RCOR3: variants seen among roughly 807,000 people sequenced by gnomAD.
RCOR3 encodes the protein REST corepressor 3.
In RCOR3, 13 loss-of-function variants were observed where a neutral mutation model predicts 64.1. That is an observed-to-expected ratio of 0.20 (90% CI 0.13 to 0.32). RCOR3 has a LOEUF of 0.32. RCOR3 is among the 10% of genes least tolerant of loss of function. The pLI is 1.00. For missense variants in RCOR3, 489 were observed against 701.2 expected (o/e 0.70, Z 3.42); for synonymous variants, 215 against 239.0 (o/e 0.90, Z 0.93).
intron 10 of RCOR3, among the ~76,000 whole-genome samples, chr1:211,304,693 C>T (rs1303656052): frequency 6.6e-6 from 1 of 152,126 alleles, no homozygotes; most frequent in East Asian, 1.9e-4. Context: ...ATCAAAAAAT[C>T]ACATTCAGCA....
In RCOR3 at chr1:211,312,423, A is replaced by G; in HGVS notation, c.1076-297A>G. 1.9e-6 allele frequency: 1 copy of G among 526,282 alleles called. No homozygotes were observed. The highest frequency in any genetic ancestry group is 1.5e-5 in the South Asian group (1 of 65,124). 32.6% of individuals were successfully genotyped at this position (526,282 alleles called of 1,614,324 possible). ...GGAACAAAGAATTCAATGCTTTACAATAAATGGACTGTATTTGAGAGTTCA... is the reference window on the plus strand; with the variant it reads ...GGAACAAAGAATTCAATGCTTTACAGTAAATGGACTGTATTTGAGAGTTCA... On this transcript the variant is annotated intron_variant, in intron 10 of 11. Transcript: ENST00000419091. This position sits in a 1 kb window ranked among gnomAD's most constrained non-coding sequence, Gnocchi z 5.0.
In RCOR3 at chr1:211,315,423, T is replaced by A. The variant is rs1701816329; in HGVS notation, c.*1655T>A. The A allele has an allele frequency of 6.6e-6, 1 of 152,234 alleles. No individual in the cohort carries two copies. 9.4% of individuals were successfully genotyped at this position (152,234 alleles called of 1,614,324 possible). The stretch of plus-strand genomic sequence containing the variant: ...CTACGTACTGGCATATTTGAAACTC[T>A]TTTTCCAGGTTAGGTCCTTTTCTTT... On this transcript the variant is annotated 3_prime_UTR_variant, in exon 12 of 12. Transcript: ENST00000419091.
intron 8 of RCOR3, chr1:211,291,622 G>T (rs1449105349): frequency 2.2e-6 from 1 of 453,572 alleles, no homozygotes; most frequent in Non-Finnish European, 4.4e-6. Flanking sequence ...CAACAGTATA[G>T]TGTGGGATCA....
chr1:211,281,887 G>A (rs1451866227), intron 7 of RCOR3, among the ~76,000 whole-genome samples: 1 of 152,080 alleles, frequency 6.6e-6, no homozygotes, highest in African/African-American at 2.4e-5. Flanking sequence ...TTCCTGCGTG[G>A]TGAGCTCTTT....
intron 5 of RCOR3, among the ~76,000 whole-genome samples, chr1:211,276,753 T>G (rs1355397301): frequency 6.6e-6 from 1 of 152,176 alleles, no homozygotes; most frequent in Non-Finnish European, 1.5e-5. Flanking sequence ...GAGGATTTTT[T>G]CCAATTTATA....
chr1:211,279,723 A>AT (rs1697507305), intron 7 of RCOR3, among the ~76,000 whole-genome samples: 1 of 152,064 alleles, frequency 6.6e-6, no homozygotes, highest in Non-Finnish European at 1.5e-5. Flanking sequence ...AAATTCCTTA[A>AT]TTCCTTCATT....
chr1:211,261,355 A>G (rs969631406), intron 2 of RCOR3, among the ~76,000 whole-genome samples: 1 of 152,194 alleles, frequency 6.6e-6, no homozygotes, highest in Non-Finnish European at 1.5e-5. Flanking sequence ...AGGAGGATGA[A>G]AAGTAATGAG....
At chr1:211,306,889 TAGAATTCTTCAAGACTCTCC>T (rs951777576) in intron 10 of RCOR3, among the ~76,000 whole-genome samples, 1 of 152,202 alleles carries the variant, frequency 6.6e-6, no homozygotes, top group African/African-American at 2.4e-5. Context: ...GTAATTTTAA[TAGAATTCTTCAAGACTCTCC>T]AGGTAGGGTA....
At chr1:211,302,253 A>G (rs189853556) in intron 9 of RCOR3, 1 of 152,324 alleles carries the variant, frequency 6.6e-6, no homozygotes, top group East Asian at 1.9e-4. Flanking sequence ...TACAACACAA[A>G]CCAAAATGAA....
rs1486934139 is a variant in RCOR3 at position 211,313,431 on chromosome 1, C to A, written c.1325C>A (p.Thr442Asn). 2 of 1,613,184 alleles carry A rather than the reference C, an allele frequency of 1.2e-6. No individual in the cohort carries two copies. The highest frequency in any genetic ancestry group is 1.7e-6 in the Non-Finnish European group (2 of 1,179,488). The change falls in exon 12 of 12, where the codon ACC becomes AAC. Residue 442 changes from threonine (T) to asparagine (N), a missense_variant. Physicochemically the swap from Thr to Asn is moderately conservative, Grantham distance 65. This residue lies in a region of RCOR3 where 402 missense variants were observed against 617.0 expected (regional missense o/e 0.65). Coordinates refer to ENST00000419091, the MANE Select transcript of RCOR3 (RefSeq NM_001136223.3). The surrounding 1 kb of genome is among the most constrained non-coding windows in gnomAD (Gnocchi z 4.7). ...KSTDEEEEAQ[T>N]PQAPRTLGPS... ...TTGTTTCCTCACCTCTAGGCACAGACCCCACAGGCTCCTCGGACACTGGGT... is the reference window on the plus strand; with the variant it reads ...TTGTTTCCTCACCTCTAGGCACAGAACCCACAGGCTCCTCGGACACTGGGT...
chr1:211,270,879 G>A (rs532712598), intron 2 of RCOR3, among the ~76,000 whole-genome samples: 24 of 146,100 alleles, frequency 1.6e-4, no homozygotes, highest in East Asian at 1.2e-3. Context: ...TTTTTGAGAC[G>A]GAGTCTCGCT....
chr1:211,290,219 T>C (rs1699082556), intron 8 of RCOR3, among the ~76,000 whole-genome samples: 1 of 152,232 alleles, frequency 6.6e-6, no homozygotes, highest in South Asian at 2.1e-4. Flanking sequence ...TGCCAGTGAC[T>C]TCTGAATCTT....
At chr1:211,309,562 A>T (rs935327465) in intron 10 of RCOR3, among the ~76,000 whole-genome samples, 1 of 152,188 alleles carries the variant, frequency 6.6e-6, no homozygotes, top group Non-Finnish European at 1.5e-5. Context: ...TGGGAAACTT[A>T]CTATTTGCCT....
In RCOR3 at chr1:211,289,193, C is replaced by A; in HGVS notation, c.736C>A (p.Pro246Thr). ...EAKKEGNTEQ[P>T]VQTSKIGLGR... ...ATTCTCTTAGGGTAATACTGAACAACCTGTCCAAACTAGCAAGATTGGACT... is the reference window on the plus strand; with the variant it reads ...ATTCTCTTAGGGTAATACTGAACAAACTGTCCAAACTAGCAAGATTGGACT... Residue 246 changes from proline (P) to threonine (T), a missense_variant, in exon 8 of 12, where the codon CCT (proline) becomes ACT (threonine). Physicochemically the swap from Pro to Thr is conservative, Grantham distance 38. Around this residue, in one of 2 missense-constraint regions of RCOR3, gnomAD observed 402 missense variants for 617.0 expected, o/e 0.65. Coordinates refer to ENST00000419091, the MANE Select transcript of RCOR3 (RefSeq NM_001136223.3). 1 of 1,613,958 alleles carries A rather than the reference C, an allele frequency of 6.2e-7. No individual in the cohort carries two copies. The highest frequency in any genetic ancestry group is 8.5e-7 in the Non-Finnish European group (1 of 1,179,858).
chr1:211,278,563 A>G (rs961921927), intron 6 of RCOR3, among the ~76,000 whole-genome samples: 5 of 152,212 alleles, frequency 3.3e-5, no homozygotes, highest in African/African-American at 1.2e-4. Flanking sequence ...TATTGAGGCT[A>G]AATCTTTTGA....
In RCOR3 at chr1:211,312,845, G is replaced by T; in HGVS notation, c.1201G>T (p.Glu401Ter). ...GTTTAACTTAGAGGAGGTATTGCAGGAGTGGGAAGCAGAACAAGGAACCCA... is the reference window on the plus strand; with the variant it reads ...GTTTAACTTAGAGGAGGTATTGCAGTAGTGGGAAGCAGAACAAGGAACCCA... ...RRFNLEEVLQ[E>*]WEAEQGTQAS... Residue 401 changes from glutamate (E) to a stop codon, truncating the protein, a stop_gained, in exon 11 of 12, where the codon GAG becomes TAG. Coordinates refer to ENST00000419091, the MANE Select transcript of RCOR3 (RefSeq NM_001136223.3). LOFTEE classifies it high-confidence loss of function. The surrounding 1 kb of genome is among the most constrained non-coding windows in gnomAD (Gnocchi z 5.0). 6.2e-7 allele frequency: 1 copy of T among 1,614,186 alleles called. No homozygotes were observed. Among genetic ancestry groups the T allele is most frequent in the Non-Finnish European group, 8.5e-7 (1 of 1,180,024 alleles).
intron 2 of RCOR3, among the ~76,000 whole-genome samples, chr1:211,264,123 A>G (rs1571772313): frequency 6.6e-6 from 1 of 152,290 alleles, no homozygotes; most frequent in Middle Eastern, 3.4e-3. Context: ...ACACCCTGCC[A>G]AAAAGATATT....
chr1:211,306,440 G>T (rs1269576207), intron 10 of RCOR3, among the ~76,000 whole-genome samples: 1 of 151,446 alleles, frequency 6.6e-6, no homozygotes, highest in Non-Finnish European at 1.5e-5. Flanking sequence ...ATATTAACAT[G>T]TTTTAATTTG....
intron 9 of RCOR3, among the ~76,000 whole-genome samples, chr1:211,297,745 C>T (rs1257640085): frequency 6.6e-6 from 1 of 152,024 alleles, no homozygotes; most frequent in Non-Finnish European, 1.5e-5. Context: ...TCAGGATATA[C>T]TTATATTTGT....
Sources: gnomAD v4.1 joint callset for allele counts (sites outside exome capture counted in the v4.1 genomes callset) on GRCh38, gnomAD v4.1.1 for gene constraint, gnomAD v4.1.1 regional missense constraint, Gnocchi (gnomAD v3.1) non-coding constraint, MANE v1.5 for transcripts, NCBI Gene and HGNC (gene_info 2026-07-23, HGNC 2026-07-21) for gene names.